The following TRAPPC8 variants were observed in gnomAD, a reference collection of about 807,000 sequenced individuals.
TRAPPC8 encodes trafficking protein particle complex subunit 8.
Under a neutral mutation model 174.3 loss-of-function variants are expected in TRAPPC8, and 54 were observed. The ratio of observed to expected loss-of-function variants is 0.31; its 90% CI spans 0.25 to 0.39. TRAPPC8 has a LOEUF of 0.39. TRAPPC8 is among the 10% of genes least tolerant of loss of function. The pLI, the probability that TRAPPC8 is intolerant of heterozygous loss-of-function variation, is 1.00. For synonymous variants in TRAPPC8, 630 were observed against 579.9 expected (o/e 1.09, Z -1.24); for missense variants, 1,531 against 1,699.1 (o/e 0.90, Z 1.74).
At chr18:31,938,129 T>C (rs141446353) in intron 1 of TRAPPC8, among the ~76,000 whole-genome samples, 6 of 152,266 alleles carry the variant, frequency 3.9e-5, no homozygotes, top group South Asian at 2.1e-4. Flanking sequence ...TATTGCAACA[T>C]TGTTTAGAAC....
intron 11 of TRAPPC8, chr18:31,896,145 G>A (rs1283489702): frequency 6.6e-6 from 1 of 152,120 alleles, no homozygotes; most frequent in East Asian, 1.9e-4. Flanking sequence ...GAGACACTTA[G>A]GACAAACAGG....
chr18:31,886,484 T>C (rs2035725419), intron 12 of TRAPPC8, among the ~76,000 whole-genome samples: 1 of 152,198 alleles, frequency 6.6e-6, no homozygotes, highest in Non-Finnish European at 1.5e-5. Context: ...TTCAAGTGGA[T>C]TTTTAAAGAT....
At chr18:31,931,063 A>G (rs2037824274) in intron 2 of TRAPPC8, among the ~76,000 whole-genome samples, 1 of 152,208 alleles carries the variant, frequency 6.6e-6, no homozygotes, top group South Asian at 2.1e-4. Context: ...TAATTATAAT[A>G]TTACTTATGT....
intron 13 of TRAPPC8, chr18:31,874,218 G>A (rs917938093): frequency 1.7e-4 from 84 of 483,134 alleles, no homozygotes; most frequent in Non-Finnish European, 3.6e-5. Flanking sequence ...CAGAAAACCT[G>A]TGGAATCTTT....
At chr18:31,921,978 G>A (rs2037410459) in intron 2 of TRAPPC8, among the ~76,000 whole-genome samples, 1 of 152,084 alleles carries the variant, frequency 6.6e-6, no homozygotes, top group Non-Finnish European at 1.5e-5. Flanking sequence ...GAGTGCTTCT[G>A]CCTCTTTAAG....
At chr18:31,939,403 G>C (rs971591887) in intron 1 of TRAPPC8, 1 of 151,970 alleles carries the variant, frequency 6.6e-6, no homozygotes, top group Non-Finnish European at 1.5e-5. Context: ...ACATAAAATC[G>C]CAAATCCCTT....
At chr18:31,903,046 C>CA (rs56801475) in intron 9 of TRAPPC8, among the ~76,000 whole-genome samples, 7,354 of 122,608 alleles carry the variant, frequency 0.06, 318 homozygotes, top group African/African-American at 0.14. Flanking sequence ...AGACTCATCT[C>CA]AAAAAAAAAA....
In TRAPPC8 at chr18:31,870,365, A is replaced by AACTT. The variant is rs1328837937; in HGVS notation, c.2388+3_2388+6dup. 1.2e-6 allele frequency: 2 copies of AACTT among 1,601,348 alleles called. No homozygotes were observed. Among genetic ancestry groups the AACTT allele is most frequent in the Admixed American group, 3.5e-5 (2 of 57,646 alleles). ...AACATAATTACAAATACCTTTTAAT[A>AACTT]ACTTACTAGTTGTTTAACTTCTTCA... On this transcript the variant is annotated splice_region_variant and intron_variant, in intron 16 of 28. Transcript: ENST00000283351.
In TRAPPC8 at chr18:31,874,529, G is replaced by T. The variant is rs1194469538; in HGVS notation, c.1904C>A (p.Ser635Tyr). 6.2e-7 allele frequency: 1 copy of T among 1,614,094 alleles called. No homozygotes were observed. Among genetic ancestry groups the T allele is most frequent in the Admixed American group, 1.7e-5 (1 of 60,016 alleles). The change falls in exon 13 of 29, where the codon TCT becomes TAT. Residue 635 changes from serine (S) to tyrosine (Y), a missense_variant. Coordinates refer to ENST00000283351, the MANE Select transcript of TRAPPC8 (RefSeq NM_014939.5). The part of the protein sequence containing the change: ...RHILINESKQ[S>Y]AAQQGAFLRE... ...GAGGAAAGCCCCCTGTTGAGCAGCAGATTGTTTACTTTCATTAATTAGAAT... is the reference window on the plus strand; with the variant it reads ...GAGGAAAGCCCCCTGTTGAGCAGCATATTGTTTACTTTCATTAATTAGAAT...
chr18:31,906,953 T>C (rs1353465954), intron 9 of TRAPPC8, among the ~76,000 whole-genome samples: 2 of 152,096 alleles, frequency 1.3e-5, no homozygotes, highest in East Asian at 3.9e-4. Flanking sequence ...AAGTCATACA[T>C]CAAGCAACTT....
At chr18:31,884,891 T>TAGCCC (rs900778621) in intron 12 of TRAPPC8, among the ~76,000 whole-genome samples, 2 of 151,304 alleles carry the variant, frequency 1.3e-5, no homozygotes, top group Non-Finnish European at 1.5e-5. Context: ...CCTCACTGTG[T>TAGCCC]AGCCCAGGCT....
At chr18:31,871,506 G>A (rs769180364) in intron 14 of TRAPPC8, among the ~76,000 whole-genome samples, 11 of 151,554 alleles carry the variant, frequency 7.3e-5, no homozygotes, top group Non-Finnish European at 1.0e-4. Context: ...AGATAGAGTC[G>A]ATGTCCTCTC....
chr18:31,912,154 A>T (rs1410237317), intron 5 of TRAPPC8, among the ~76,000 whole-genome samples: 1 of 152,100 alleles, frequency 6.6e-6, no homozygotes, highest in African/African-American at 2.4e-5. Context: ...CACCCACCTA[A>T]AAAGTATGAG....
chr18:31,882,698 C>G (rs1229098464), intron 12 of TRAPPC8, among the ~76,000 whole-genome samples: 2 of 151,880 alleles, frequency 1.3e-5, no homozygotes, highest in East Asian at 3.9e-4. Flanking sequence ...CCTACTGCAA[C>G]CTCTGCCTCC....
At position 31,931,402 on chromosome 18, in the gene TRAPPC8, A is replaced by G. The variant is rs2037839950; in HGVS notation, c.279T>C (p.Val93=). The G allele has an allele frequency of 6.2e-7, 1 of 1,612,802 alleles. No individual in the cohort carries two copies. The highest frequency in any genetic ancestry group is 1.7e-5 in the Admixed American group (1 of 59,918). The change falls in exon 2 of 29, where the codon GTT becomes GTC. Residue 93 remains valine, a synonymous_variant. Coordinates refer to ENST00000283351, the MANE Select transcript of TRAPPC8 (RefSeq NM_014939.5). ...ATCCTTCTGCAGGCTGACTGCCAGA[A>G]ACAACATCATTCAAAAGCTTCCGGA... The part of the protein sequence containing the change: ...GAIRKLLNDV[V]SGSQPAEGLV...
chr18:31,845,177 TC>T (rs1343505525), intron 26 of TRAPPC8: 19 of 123,428 alleles, frequency 1.5e-4, no homozygotes, highest in African/African-American at 4.8e-4. Flanking sequence ...AGACTCCGTC[TC>T]AAAAAAAAAA....
chr18:31,940,829 T>C (rs747267301), intron 1 of TRAPPC8, among the ~76,000 whole-genome samples: 4 of 152,210 alleles, frequency 2.6e-5, no homozygotes, highest in Non-Finnish European at 5.9e-5. Context: ...TGACTCACAT[T>C]ATATTTCAAT....
In TRAPPC8 at chr18:31,909,772, A is replaced by G; in HGVS notation, c.772-12T>C. The G allele has an allele frequency of 6.5e-7, 1 of 1,526,798 alleles. No individual in the cohort carries two copies. Among genetic ancestry groups the G allele is most frequent in the Non-Finnish European group, 8.8e-7 (1 of 1,132,346 alleles). The allele number at this position is 1,526,798 out of a possible 1,614,324, so 94.6% of individuals were successfully genotyped here. A position where few individuals can be genotyped will look rare whatever the true frequency, so the allele number is the denominator to read the frequency against. ...TCTTCATATGATTCCTATCAAAATAAAATTTAAAAAGCATTAGCAGTTATA... is the reference window on the plus strand; with the variant it reads ...TCTTCATATGATTCCTATCAAAATAGAATTTAAAAAGCATTAGCAGTTATA... On this transcript the variant is annotated splice_polypyrimidine_tract_variant and intron_variant, in intron 5 of 28. Coordinates refer to ENST00000283351, the MANE Select transcript of TRAPPC8 (RefSeq NM_014939.5).
intron 12 of TRAPPC8, among the ~76,000 whole-genome samples, chr18:31,876,881 C>T (rs904463593): frequency 1.3e-5 from 2 of 152,164 alleles, no homozygotes; most frequent in East Asian, 1.9e-4. Flanking sequence ...CAGGCATGCC[C>T]GCCCTCCTTT....
Sources: gnomAD v4.1 joint callset for allele counts (sites outside exome capture counted in the v4.1 genomes callset) on GRCh38, gnomAD v4.1.1 for gene constraint, MANE v1.5 for transcripts, NCBI Gene and HGNC (gene_info 2026-07-23, HGNC 2026-07-21) for gene names.